PRH2: variants seen among roughly 807,000 people sequenced by gnomAD.
PRH2 encodes salivary acidic proline-rich phosphoprotein 1/2.
PRH2 carries 19 observed loss-of-function variants against 22.6 expected under a neutral mutation model. The ratio of observed to expected loss-of-function variants is 0.84; its 90% CI spans 0.59 to 1.23. PRH2 has a LOEUF of 1.23. PRH2 is among the 50% of genes most tolerant of loss of function. PRH2 has a pLI of 0.00. For missense variants in PRH2, 109 were observed against 203.0 expected, an observed-to-expected ratio of 0.54 and a Z score of 2.81; for synonymous variants, 45 against 72.0, an observed-to-expected ratio of 0.63 and a Z score of 1.90.
rs779413113 is a variant in PRH2, at chr12:10,929,304, C to A, written c.31C>A (p.Leu11Met). 6.2e-7 allele frequency: 1 copy of A among 1,614,038 alleles called. No homozygotes were observed. The highest frequency in any genetic ancestry group is 8.5e-7 in the Non-Finnish European group (1 of 1,180,040). The change falls in exon 1 of 4, where the codon CTG becomes ATG. Residue 11 changes from leucine to methionine, a missense_variant. Transcript: ENST00000396400. MLLILLSVAL[L>M]AFSSAQDLDE... ...TCTGATTCTGCTGTCAGTGGCCCTGCTGGCCTTCAGCTCAGCTCAGGACTT... is the reference window on the plus strand; with the variant it reads ...TCTGATTCTGCTGTCAGTGGCCCTGATGGCCTTCAGCTCAGCTCAGGACTT...
At chr12:10,929,410 G>T in intron 1 of PRH2, 73 bp downstream of exon 1, 1 of 1,578,686 alleles carries the variant, frequency 6.3e-7, no homozygotes, top group African/African-American at 1.3e-5. Flanking sequence ...GGGGGAAAGT[G>T]GAGGGAAGAG....
chr12:10,930,444 C>T (rs1950188929), intron 2 of PRH2, 140 bp downstream of exon 2: 1 of 1,459,334 alleles, frequency 6.9e-7, no homozygotes, highest in Admixed American at 2.2e-5. Flanking sequence ...TTTCTCCCAA[C>T]CTTGATTCTG....
At chr12:10,930,242 T>C (rs1302845982) in intron 1 of PRH2, 27 bp from the exon 2 acceptor site, 2 of 1,611,116 alleles carry the variant, frequency 1.2e-6, no homozygotes, top group Non-Finnish European at 8.5e-7. Flanking sequence ...CAGTAACTTT[T>C]CCCATCATCC....
chr12:10,931,295 A>G (rs1041369360), intron 3 of PRH2: 93 of 1,005,232 alleles, frequency 9.3e-5, no homozygotes, highest in Non-Finnish European at 1.6e-5. Context: ...ACTATCTTCA[A>G]ATTACCTCTC....
In PRH2 at chr12:10,930,673, T is replaced by G; in HGVS notation, c.112T>G (p.Ser38Ala). 2 of 1,613,822 alleles carry G rather than the reference T, an allele frequency of 1.2e-6. No individual in the cohort carries two copies. The highest frequency in any genetic ancestry group is 1.7e-6 in the Non-Finnish European group (2 of 1,179,822). ...VPLVISDGGD[S>A]EQFIDEERQG... Reference sequence around the variant, plus strand: ...TTCAACTCACACAGATGGAGGAGACTCTGAGCAGTTCATAGATGAGGAGCG... The same window carrying G: ...TTCAACTCACACAGATGGAGGAGACGCTGAGCAGTTCATAGATGAGGAGCG... The change falls in exon 3 of 4, where the codon TCT (serine) becomes GCT (alanine). Residue 38 changes from serine (S) to alanine (A), a missense_variant. This residue lies in a region of PRH2 where 54 missense variants were observed against 60.5 expected (regional missense o/e 0.89). Coordinates refer to ENST00000396400, the MANE Select transcript of PRH2 (RefSeq NM_001110213.1).
At chr12:10,930,588 G>C in intron 2 of PRH2, 74 bp from the exon 3 acceptor site, 1 of 1,594,168 alleles carries the variant, frequency 6.3e-7, no homozygotes. Flanking sequence ...CGGCCGTGTG[G>C]TGAAGACAGA....
chr12:10,929,400 G>C, intron 1 of PRH2, 63 bp downstream of exon 1: 1 of 1,596,372 alleles, frequency 6.3e-7, no homozygotes. Context: ...ATGCTATAGA[G>C]GGGGAAAGTG....
Position 10,932,778 on chromosome 12 carries a change from T to G in PRH2, c.*571T>G. The stretch of plus-strand genomic sequence containing the variant: ...CTTACCATTCTTAAGAAAACCTGAA[T>G]GGATTTCATCAAGGCGGCAGCATAA... On this transcript the variant is annotated 3_prime_UTR_variant, in exon 4 of 4. Transcript: ENST00000396400. Among the ~76,000 whole-genome samples the G allele has an allele frequency of 6.6e-6, 1 of 152,130 alleles. No individual in the cohort carries two copies. The highest frequency in any genetic ancestry group is 1.9e-4 in the East Asian group (1 of 5,190).
intron 3 of PRH2, 167 bp downstream of exon 3, chr12:10,931,247 T>G (rs1274938313): frequency 7.1e-7 from 1 of 1,411,930 alleles, no homozygotes; most frequent in Non-Finnish European, 9.5e-7. Context: ...ATCTTGTTTT[T>G]AAACAATCTC....
intron 1 of PRH2, among the ~76,000 whole-genome samples, chr12:10,929,851 A>C (rs1950178005): frequency 6.6e-6 from 1 of 152,158 alleles, no homozygotes; most frequent in Non-Finnish European, 1.5e-5. Context: ...GTAGTATTTT[A>C]ATGTGCTGGG....
At chr12:10,929,440 T>C (rs1950170607) in intron 1 of PRH2, 103 bp downstream of exon 1, 3 of 1,423,784 alleles carry the variant, frequency 2.1e-6, no homozygotes, top group African/African-American at 1.4e-5. Context: ...AGAAAACAGA[T>C]AGGACTGAAG....
At chr12:10,931,331 T>C (rs1462095352) in intron 3 of PRH2, among the ~76,000 whole-genome samples, 2 of 152,168 alleles carry the variant, frequency 1.3e-5, no homozygotes, top group Non-Finnish European at 2.9e-5. Flanking sequence ...AATGAGGACA[T>C]AGAATCATGT....
Position 10,932,283 on chromosome 12 carries a change from T to G in PRH2, c.*76T>G. On this transcript the variant is annotated 3_prime_UTR_variant, in exon 4 of 4. Coordinates refer to ENST00000396400, the MANE Select transcript of PRH2 (RefSeq NM_001110213.1). ...GCCTTGAAACATAATGTGATCATGC[T>G]CTAACTTCAATATACCAATAAAATA... is the stretch of plus-strand genomic sequence containing the variant. 1 of 409,752 alleles carries G rather than the reference T, an allele frequency of 2.4e-6. No individual in the cohort carries two copies. The highest frequency in any genetic ancestry group is 7.3e-5 in the East Asian group (1 of 13,680). 25.4% of individuals were successfully genotyped at this position (409,752 alleles called of 1,614,324 possible). A position where few individuals can be genotyped will look rare whatever the true frequency, so the allele number is the denominator to read the frequency against.
intron 2 of PRH2, 79 bp from the exon 3 acceptor site, chr12:10,930,583 G>C (rs1319208396): frequency 1.9e-6 from 3 of 1,584,914 alleles, no homozygotes; most frequent in African/African-American, 2.7e-5. Context: ...GGGGCCGGCC[G>C]TGTGGTGAAG....
chr12:10,931,690 A>G (rs915687574), intron 3 of PRH2, among the ~76,000 whole-genome samples: 1 of 152,208 alleles, frequency 6.6e-6, no homozygotes, highest in Non-Finnish European at 1.5e-5. Flanking sequence ...TTATTGCTAC[A>G]TAACTATATA....
chr12:10,930,659 C>T lies in PRH2; in HGVS notation c.101-3C>T, dbSNP rs1321060768. On this transcript the variant is annotated splice_polypyrimidine_tract_variant and splice_region_variant and intron_variant, in intron 2 of 3. Transcript: ENST00000396400. ...TCAGCTCTTCTTGTTTCAACTCACACAGATGGAGGAGACTCTGAGCAGTTC... is the reference window on the plus strand; with the variant it reads ...TCAGCTCTTCTTGTTTCAACTCACATAGATGGAGGAGACTCTGAGCAGTTC... 5 of 1,613,620 alleles carry T rather than the reference C, an allele frequency of 3.1e-6. 1 individual carries two copies. In the African/African-American group the frequency reaches 4.0e-5, roughly 13 times the overall value.
chr12:10,929,429 G>A, intron 1 of PRH2, 92 bp downstream of exon 1: 1 of 1,498,998 alleles, frequency 6.7e-7, no homozygotes, highest in East Asian at 2.3e-5. Flanking sequence ...AGAGGAGGAT[G>A]AGAAAACAGA....
Position 10,931,035 on chromosome 12 carries a change from A to G in PRH2, c.474A>G (p.Gly158=), listed in dbSNP as rs1227056026. The change falls in exon 3 of 4, where the codon GGA becomes GGG. Residue 158 remains glycine (G), a synonymous_variant. Transcript: ENST00000396400. ...CTCCCCAAGGGGGCCGCCCACAAGG[A>G]CCTCCACAGGGGCAGTCTCCTCAGT... ...GPPPQGGRPQ[G]PPQGQSPQ 2.5e-6 allele frequency: 4 copies of G among 1,591,272 alleles called. No homozygotes were observed. In the African/African-American group the frequency reaches 4.0e-5, roughly 16 times the overall value.
chr12:10,930,442 A>T (rs917920718), intron 2 of PRH2, 138 bp downstream of exon 2: 3 of 1,462,196 alleles, frequency 2.1e-6, no homozygotes, highest in African/African-American at 2.9e-5. Context: ...GTTTTCTCCC[A>T]ACCTTGATTC....
Sources: gnomAD v4.1 joint callset for allele counts (sites outside exome capture counted in the v4.1 genomes callset) on GRCh38, gnomAD v4.1.1 for gene constraint, gnomAD v4.1.1 regional missense constraint, MANE v1.5 for transcripts, NCBI Gene and HGNC (gene_info 2026-07-23, HGNC 2026-07-21) for gene names.